MCCC2: variants seen among roughly 807,000 people sequenced by gnomAD.
The protein encoded by MCCC2 is methylcrotonyl-CoA carboxylase subunit 2.
In MCCC2, 52 loss-of-function variants were observed where a neutral mutation model predicts 77.2. The ratio of observed to expected loss-of-function variants is 0.67; its 90% CI spans 0.54 to 0.85. The LOEUF (loss-of-function observed/expected upper bound fraction) is 0.85. Ranked by LOEUF, MCCC2 falls within the 40% of genes least tolerant of loss-of-function variation. MCCC2 has a pLI of 0.00. For missense variants in MCCC2, 682 were observed against 703.2 expected, an observed-to-expected ratio of 0.97 and a Z score of 0.34; for synonymous variants, 253 against 248.4, an observed-to-expected ratio of 1.02 and a Z score of -0.18.
chr5:71,634,433 A>T (rs1258336235), intron 8 of MCCC2, among the ~76,000 whole-genome samples: 3 of 152,118 alleles, frequency 2.0e-5, no homozygotes, highest in Non-Finnish European at 4.4e-5. Context: ...CTTTGTAGGG[A>T]GGGGGCTCAG....
At chr5:71,599,570 G>A (rs1352677016) in intron 3 of MCCC2, 89 bp from the exon 4 acceptor site, 2 of 1,028,154 alleles carry the variant, frequency 1.9e-6, no homozygotes, top group African/African-American at 1.6e-5. Flanking sequence ...GTCCCATTGA[G>A]GAAAAATCTT....
rs1747397763 is a variant in MCCC2 at position 71,650,185 on chromosome 5, T to A, written c.1488+2T>A. ...CAAAGAGCCCGGGAAGGAAAGCAGG[T>A]CGGTGTCGTTTTCTCTTGTTTCTCT... On this transcript the variant is annotated splice_donor_variant, in intron 15 of 16. Coordinates refer to ENST00000340941, the MANE Select transcript of MCCC2 (RefSeq NM_022132.5). LOFTEE classifies it high-confidence loss of function. 6 of 1,613,384 alleles carry A rather than the reference T, an allele frequency of 3.7e-6. No individual in the cohort carries two copies. Among genetic ancestry groups the A allele is most frequent in the African/African-American group, 2.7e-5 (2 of 74,892 alleles).
intron 11 of MCCC2, among the ~76,000 whole-genome samples, chr5:71,643,479 A>T (rs1434214012): frequency 6.6e-6 from 1 of 152,230 alleles, no homozygotes; most frequent in African/African-American, 2.4e-5. Flanking sequence ...ATTAAAAATG[A>T]TATTTTTATA....
Position 71,650,153 on chromosome 5 carries a change from A to G in MCCC2, c.1458A>G (p.Thr486=), listed in dbSNP as rs766552300. 1.9e-6 allele frequency: 3 copies of G among 1,614,092 alleles called. No individual in the cohort carries two copies. The highest frequency in any genetic ancestry group is 2.2e-5 in the East Asian group (1 of 44,898). The change falls in exon 15 of 17, where the codon ACA becomes ACG. Residue 486 remains threonine, a synonymous_variant. Coordinates refer to ENST00000340941, the MANE Select transcript of MCCC2 (RefSeq NM_022132.5). ...EQAANVLATI[T]KDQRAREGKQ... ...CAGCCAATGTGTTGGCCACGATAAC[A>G]AAGGACCAAAGAGCCCGGGAAGGAA...
rs1235856173 is a variant in MCCC2 at position 71,623,049 on chromosome 5, GC to G, written c.625-3589del. On this transcript the variant is annotated intron_variant, in intron 6 of 16. Coordinates refer to ENST00000340941, the MANE Select transcript of MCCC2 (RefSeq NM_022132.5). Reference sequence around the variant, plus strand: ...AAAAAAAAAGTTCTACATATTGTCTGCCATCTCTGGAATAGTTGAACAGGTT... The same window carrying G: ...AAAAAAAAAGTTCTACATATTGTCTGCATCTCTGGAATAGTTGAACAGGTT... 2.8e-4 allele frequency among the ~76,000 whole-genome samples: 43 copies of G among 152,310 alleles called. 2 individuals are homozygous for G. Among genetic ancestry groups the G allele is most frequent in the Admixed American group, 2.0e-3 (31 of 15,302 alleles).
At chr5:71,612,040 G>A (rs76159316) in intron 6 of MCCC2, among the ~76,000 whole-genome samples, 66 of 152,112 alleles carry the variant, frequency 4.3e-4, no homozygotes, top group African/African-American at 1.5e-3. Flanking sequence ...TGCCGACCTC[G>A]TGATCCGCCC....
chr5:71,626,801 T>G, intron 7 of MCCC2, 48 bp downstream of exon 7: 1 of 1,447,764 alleles, frequency 6.9e-7, no homozygotes, highest in Non-Finnish European at 9.7e-7. Context: ...ATGCAGAACA[T>G]AAAATACACC....
chr5:71,616,905 C>CAG (rs1286226237), intron 6 of MCCC2, among the ~76,000 whole-genome samples: 1 of 152,214 alleles, frequency 6.6e-6, no homozygotes, highest in Non-Finnish European at 1.5e-5. Flanking sequence ...AGAGGCAGCT[C>CAG]AGGCCTTTGT....
At position 71,602,631 on chromosome 5, in the gene MCCC2, T is replaced by C; in HGVS notation, c.509T>C (p.Leu170Ser). The change falls in exon 5 of 17, where the codon TTA becomes TCA. Residue 170 changes from leucine (L) to serine (S), a missense_variant and splice_region_variant. Leu to Ser is a moderately radical substitution (Grantham distance 145, BLOSUM62 -2). Transcript: ENST00000340941. Reference protein sequence around the residue: ...AMQNRLPCIYLVDSGGAYLPR... With the variant: ...AMQNRLPCIYSVDSGGAYLPR... Reference sequence around the variant, plus strand: ...CAAAACAGGCTCCCCTGCATCTACTTAGGCAAGTCACCAGAGTGGTAAAAT... The same window carrying C: ...CAAAACAGGCTCCCCTGCATCTACTCAGGCAAGTCACCAGAGTGGTAAAAT... The C allele has an allele frequency of 6.2e-7, 1 of 1,614,156 alleles. No individual in the cohort carries two copies. The highest frequency in any genetic ancestry group is 1.1e-5 in the South Asian group (1 of 91,082).
intron 11 of MCCC2, among the ~76,000 whole-genome samples, chr5:71,642,513 A>G (rs1040218740): frequency 3.9e-5 from 6 of 152,188 alleles, no homozygotes; most frequent in Non-Finnish European, 8.8e-5. Flanking sequence ...GTGTGGGGAC[A>G]TGTTCCCTAC....
chr5:71,594,801 T>TA (rs1250274785), intron 2 of MCCC2, among the ~76,000 whole-genome samples: 1 of 152,166 alleles, frequency 6.6e-6, no homozygotes, highest in African/African-American at 2.4e-5. Context: ...CTCTTTCTGG[T>TA]TCTTCCTAAT....
intron 6 of MCCC2, among the ~76,000 whole-genome samples, chr5:71,609,214 G>A (rs1457604108): frequency 1.3e-5 from 2 of 150,738 alleles, no homozygotes; most frequent in South Asian, 2.1e-4. Context: ...CCAATCAGAC[G>A]TAGATTTGGT....
chr5:71,595,089 G>C (rs534128941), intron 2 of MCCC2, among the ~76,000 whole-genome samples: 1 of 139,778 alleles, frequency 7.2e-6, no homozygotes, highest in Non-Finnish European at 1.5e-5. Context: ...TAGTAGAGAT[G>C]GGGTTTCACC....
intron 10 of MCCC2, 132 bp downstream of exon 10, chr5:71,635,378 C>A: frequency 1.2e-6 from 1 of 808,190 alleles, no homozygotes. Flanking sequence ...TAAGGAGTGA[C>A]ATATGTGGCA....
Position 71,626,739 on chromosome 5 carries a change from G to T in MCCC2, c.724G>T (p.Ala242Ser), listed in dbSNP as rs1402164910. 2 of 1,613,996 alleles carry T rather than the reference G, an allele frequency of 1.2e-6. No homozygotes were observed. Among genetic ancestry groups the T allele is most frequent in the African/African-American group, 1.3e-5 (1 of 74,882 alleles). ...IVRKQGTIFL[A>S]GPPLVKAATG... ...ACGCAAGCAGGGTACCATTTTCTTGGCAGGACCCCCCTTGGTAAGAACATA... is the reference window on the plus strand; with the variant it reads ...ACGCAAGCAGGGTACCATTTTCTTGTCAGGACCCCCCTTGGTAAGAACATA... The change falls in exon 7 of 17, where the codon GCA becomes TCA. Residue 242 changes from alanine to serine, a missense_variant. By Grantham distance (99) the Ala-to-Ser change is moderately conservative (BLOSUM62 1). Coordinates refer to ENST00000340941, the MANE Select transcript of MCCC2 (RefSeq NM_022132.5).
chr5:71,602,906 C>G, intron 5 of MCCC2: 1 of 441,588 alleles, frequency 2.3e-6, no homozygotes, highest in Non-Finnish European at 4.0e-6. Flanking sequence ...TCTCTAGATC[C>G]TGTTTTTCTT....
intron 13 of MCCC2, among the ~76,000 whole-genome samples, chr5:71,647,826 G>C (rs1047216425): frequency 1.3e-5 from 2 of 152,096 alleles, no homozygotes. Flanking sequence ...GGAAGATGGG[G>C]AGCATGATTA....
rs1261633933 is a variant in MCCC2 at position 71,634,941 on chromosome 5, A to G, written c.804-2A>G. The G allele has an allele frequency of 6.2e-7, 1 of 1,613,798 alleles. No homozygotes were observed. The highest frequency in any genetic ancestry group is 8.5e-7 in the Non-Finnish European group (1 of 1,179,786). On this transcript the variant is annotated splice_acceptor_variant, in intron 8 of 16. Coordinates refer to ENST00000340941, the MANE Select transcript of MCCC2 (RefSeq NM_022132.5). LOFTEE classifies it high-confidence loss of function. ...GACAAGTTTAGTTTGCTTATTCTGTAGAAAGTCTGGAGTAAGTGACCACTG... is the reference window on the plus strand; with the variant it reads ...GACAAGTTTAGTTTGCTTATTCTGTGGAAAGTCTGGAGTAAGTGACCACTG...
In MCCC2 at chr5:71,658,398, G is replaced by T. The variant is rs549264462; in HGVS notation, c.*1538G>T. 3 of 152,200 alleles carry T rather than the reference G, an allele frequency of 2.0e-5. No individual in the cohort carries two copies. Among genetic ancestry groups the T allele is most frequent in the South Asian group, 2.1e-4 (1 of 4,814 alleles). 9.4% of individuals were successfully genotyped at this position (152,200 alleles called of 1,614,324 possible). On this transcript the variant is annotated 3_prime_UTR_variant, in exon 17 of 17. Coordinates refer to ENST00000340941, the MANE Select transcript of MCCC2 (RefSeq NM_022132.5). ...GATGTCTCTGTGACCTCCCTGTGCTGGATTAGCTTCCCTACTCTATGCTCT... is the reference window on the plus strand; with the variant it reads ...GATGTCTCTGTGACCTCCCTGTGCTTGATTAGCTTCCCTACTCTATGCTCT...
Sources: allele counts gnomAD v4.1 joint callset (sites outside exome capture counted in the v4.1 genomes callset), GRCh38; gene constraint gnomAD v4.1.1; transcripts MANE v1.5; gene names NCBI Gene and HGNC (gene_info 2026-07-23, HGNC 2026-07-21).